The following CTNNA3 variants were observed in gnomAD, a reference collection of about 807,000 sequenced individuals.
The protein encoded by CTNNA3 is catenin alpha 3.
In CTNNA3, 76 loss-of-function variants were observed where a neutral mutation model predicts 95.7. That is an observed-to-expected ratio of 0.79 (90% CI 0.66 to 0.96). CTNNA3 has a LOEUF of 0.96. Ranked by LOEUF, CTNNA3 falls within the 40% of genes least tolerant of loss-of-function variation. The pLI, the probability that CTNNA3 is intolerant of heterozygous loss-of-function variation, is 0.00. For missense variants in CTNNA3, 1,191 were observed against 1,089.8 expected, an observed-to-expected ratio of 1.09 and a Z score of -1.31; for synonymous variants, 431 against 374.4, an observed-to-expected ratio of 1.15 and a Z score of -1.74.
At chr10:66,166,218 G>A (rs529434536) in intron 13 of CTNNA3, among the ~76,000 whole-genome samples, 3 of 152,158 alleles carry the variant, frequency 2.0e-5, no homozygotes, top group African/African-American at 4.8e-5. Flanking sequence ...CACTTTGGGA[G>A]GCTGAGGTGG....
chr10:66,374,614 T>C (rs1331222523), intron 12 of CTNNA3, among the ~76,000 whole-genome samples: 1 of 119,222 alleles, frequency 8.4e-6, no homozygotes, highest in East Asian at 2.8e-4. Context: ...GCCTTTTTTT[T>C]TTTTTTTTTT....
At chr10:67,476,673 T>C (rs182102045) in intron 5 of CTNNA3, among the ~76,000 whole-genome samples, 4 of 150,646 alleles carry the variant, frequency 2.7e-5, no homozygotes, top group African/African-American at 7.3e-5. Context: ...AAACTTCAGA[T>C]CTCCAGGTGT....
At chr10:66,007,016 G>C (rs1390503323) in intron 15 of CTNNA3, among the ~76,000 whole-genome samples, 1 of 151,938 alleles carries the variant, frequency 6.6e-6, no homozygotes, top group Non-Finnish European at 1.5e-5. Context: ...TCTTTGGCAT[G>C]CCCCCCGCAC....
chr10:66,214,983 C>CTAGA (rs1052573586), intron 13 of CTNNA3, among the ~76,000 whole-genome samples: 1 of 151,494 alleles, frequency 6.6e-6, no homozygotes, highest in Non-Finnish European at 1.5e-5. Context: ...AGGTTGATGA[C>CTAGA]TAGATAGATA....
chr10:67,129,698 G>A (rs1277717114), intron 7 of CTNNA3, among the ~76,000 whole-genome samples: 1 of 152,050 alleles, frequency 6.6e-6, no homozygotes, highest in Admixed American at 6.6e-5. Flanking sequence ...CTTATGCCCT[G>A]TATGAAAACA....
chr10:66,241,966 T>C (rs1388179515), intron 13 of CTNNA3, among the ~76,000 whole-genome samples: 1 of 152,180 alleles, frequency 6.6e-6, no homozygotes, highest in African/African-American at 2.4e-5. Flanking sequence ...ATTATTATTA[T>C]TTTTAATTTA....
At chr10:67,220,201 G>A (rs536348363) in intron 5 of CTNNA3, among the ~76,000 whole-genome samples, 1 of 152,222 alleles carries the variant, frequency 6.6e-6, no homozygotes, top group African/African-American at 2.4e-5. Context: ...GCATTACATG[G>A]GAGCTTGAAT....
intron 7 of CTNNA3, chr10:66,926,619 T>TAATAACA (rs1847089300): frequency 1.2e-6 from 2 of 1,612,804 alleles, no homozygotes; most frequent in East Asian, 4.5e-5. Flanking sequence ...CTTTCCTTCT[T>TAATAACA]AAAAACAAAA....
At chr10:66,531,549 C>T (rs1035274112) in intron 10 of CTNNA3, among the ~76,000 whole-genome samples, 1 of 151,912 alleles carries the variant, frequency 6.6e-6, no homozygotes, top group Non-Finnish European at 1.5e-5. Flanking sequence ...CAAATGATTG[C>T]TTCTATAAAG....
chr10:66,193,304 C>T (rs550386260), intron 13 of CTNNA3, among the ~76,000 whole-genome samples: 1 of 152,188 alleles, frequency 6.6e-6, no homozygotes, highest in East Asian at 1.9e-4. Context: ...GCAAAGGAGT[C>T]CGACAATAAA....
intron 7 of CTNNA3, among the ~76,000 whole-genome samples, chr10:66,907,263 T>C (rs1846028108): frequency 6.6e-6 from 1 of 152,154 alleles, no homozygotes; most frequent in Non-Finnish European, 1.5e-5. Context: ...TTCACTAATT[T>C]GTAAGTCTTT....
chr10:65,987,751 G>A (rs1412452265), intron 16 of CTNNA3, among the ~76,000 whole-genome samples: 3 of 152,042 alleles, frequency 2.0e-5, no homozygotes, highest in Non-Finnish European at 4.4e-5. Flanking sequence ...CTGCAGCACT[G>A]TTCACAACCT....
At chr10:66,119,501 A>G (rs2133810873) in intron 13 of CTNNA3, among the ~76,000 whole-genome samples, 1 of 152,290 alleles carries the variant, frequency 6.6e-6, no homozygotes, top group African/African-American at 2.4e-5. Flanking sequence ...CTTGCAGACA[A>G]ATGTATACAT....
chr10:67,006,508 T>C (rs927184524), intron 7 of CTNNA3, among the ~76,000 whole-genome samples: 5 of 145,318 alleles, frequency 3.4e-5, no homozygotes, highest in African/African-American at 1.3e-4. Context: ...AACTTAGCTT[T>C]TTCCTGGGAC....
chr10:65,914,686 G>T lies in CTNNA3; in HGVS notation c.*5644C>A, dbSNP rs140937961. 10 of 152,156 alleles carry T rather than the reference G, an allele frequency of 6.6e-5. No individual in the cohort carries two copies. Among genetic ancestry groups the T allele is most frequent in the Non-Finnish European group, 1.0e-4 (7 of 68,000 alleles). 9.4% of individuals were successfully genotyped at this position (152,156 alleles called of 1,614,324 possible). On this transcript the variant is annotated 3_prime_UTR_variant, in exon 18 of 18. Transcript: ENST00000433211. The stretch of plus-strand genomic sequence containing the variant: ...AGGAAAGGATTGGTGTTAACAAATG[G>T]TATTAACCAACCAATACTGAAGATG...
At chr10:67,264,361 T>C (rs1334834203) in intron 5 of CTNNA3, among the ~76,000 whole-genome samples, 3 of 152,172 alleles carry the variant, frequency 2.0e-5, no homozygotes, top group Non-Finnish European at 4.4e-5. Context: ...AAAGTTATAA[T>C]AATAACTATT....
chr10:67,422,271 T>C (rs1181931502), intron 5 of CTNNA3, among the ~76,000 whole-genome samples: 1 of 152,130 alleles, frequency 6.6e-6, no homozygotes, highest in Non-Finnish European at 1.5e-5. Flanking sequence ...ATTGAGATTA[T>C]TCAACACAGT....
chr10:66,593,327 G>C (rs1406002948), intron 10 of CTNNA3, among the ~76,000 whole-genome samples: 1 of 152,128 alleles, frequency 6.6e-6, no homozygotes, highest in African/African-American at 2.4e-5. Context: ...TGGTGACATA[G>C]AGTTGTGAAT....
At chr10:66,290,274 T>C (rs147773595) in intron 12 of CTNNA3, among the ~76,000 whole-genome samples, 101 of 152,106 alleles carry the variant, frequency 6.6e-4, no homozygotes, top group Admixed American at 1.1e-3. Context: ...AGGAGCCACA[T>C]AATCAAAGTT....
Sources: gnomAD v4.1 joint callset for allele counts (sites outside exome capture counted in the v4.1 genomes callset) on GRCh38, gnomAD v4.1.1 for gene constraint, MANE v1.5 for transcripts, NCBI Gene and HGNC (gene_info 2026-07-23, HGNC 2026-07-21) for gene names.